MCCC1: variants seen among roughly 807,000 people sequenced by gnomAD.
The protein encoded by MCCC1 is methylcrotonoyl-CoA carboxylase subunit alpha, mitochondrial.
A neutral mutation model predicts 83.8 loss-of-function variants in MCCC1; 64 were observed. The observed-to-expected ratio is 0.76, with a 90% CI of 0.62 to 0.94. MCCC1 has a LOEUF of 0.94. Ranked by LOEUF, MCCC1 falls within the 40% of genes least tolerant of loss-of-function variation. The pLI is 0.00. For missense variants in MCCC1, 807 were observed against 904.7 expected (o/e 0.89, Z 1.39); for synonymous variants, 322 against 315.4 (o/e 1.02, Z -0.22).
intron 7 of MCCC1, among the ~76,000 whole-genome samples, chr3:183,069,398 T>C (rs1006058078): frequency 6.6e-6 from 1 of 152,230 alleles, no homozygotes; most frequent in African/African-American, 2.4e-5. Flanking sequence ...GTCTCCACAA[T>C]TCTAACTTAA....
At chr3:183,076,131 T>C (rs1197903193) in intron 4 of MCCC1, among the ~76,000 whole-genome samples, 4 of 152,222 alleles carry the variant, frequency 2.6e-5, no homozygotes, top group African/African-American at 9.7e-5. Flanking sequence ...GCAACTACAA[T>C]TGGATCACTA....
intron 1 of MCCC1, among the ~76,000 whole-genome samples, chr3:183,108,592 G>A (rs1719443214): frequency 6.6e-6 from 1 of 152,160 alleles, no homozygotes; most frequent in African/African-American, 2.4e-5. Flanking sequence ...ACAAGAAACA[G>A]ACATGACTTT....
chr3:183,085,010 G>A (rs1254932651), intron 4 of MCCC1, among the ~76,000 whole-genome samples: 1 of 152,126 alleles, frequency 6.6e-6, no homozygotes, highest in Non-Finnish European at 1.5e-5. Flanking sequence ...AAGCACAAAG[G>A]AATTATGGAG....
At chr3:183,111,989 T>A (rs942161853) in intron 1 of MCCC1, among the ~76,000 whole-genome samples, 27 of 147,076 alleles carry the variant, frequency 1.8e-4, no homozygotes, top group Admixed American at 1.0e-3. Flanking sequence ...TTCCTAAATT[T>A]AAAAAAAAAA....
intron 7 of MCCC1, among the ~76,000 whole-genome samples, chr3:183,070,021 A>G (rs1288383196): frequency 6.6e-6 from 1 of 152,236 alleles, no homozygotes; most frequent in Non-Finnish European, 1.5e-5. Flanking sequence ...TCTGTTGCTT[A>G]GTGTCCTCAC....
intron 9 of MCCC1, among the ~76,000 whole-genome samples, chr3:183,047,121 C>T (rs1714615143): frequency 1.3e-5 from 2 of 152,190 alleles, no homozygotes; most frequent in Non-Finnish European, 2.9e-5. Context: ...CCAAAACATT[C>T]AAGGTTTACC....
chr3:183,091,076 C>G lies in MCCC1; in HGVS notation c.273+1333G>C. ...GGGAGAATTGGAGGTTGGAATGAAG[C>G]GAAACAAGTTTGAAATACTCATTGC... is the stretch of plus-strand genomic sequence containing the variant. On this transcript the variant is annotated intron_variant, in intron 3 of 18. Transcript: ENST00000265594. 3 of 455,766 alleles carry G rather than the reference C, an allele frequency of 6.6e-6. 1 individual carries two copies. In the Middle Eastern group the frequency reaches 9.8e-4, roughly 148 times the overall value. The allele number at this position is 455,766 out of a possible 1,614,324, so 28.2% of individuals were successfully genotyped here.
At chr3:183,021,405 TG>T (rs1420027730) in intron 16 of MCCC1, among the ~76,000 whole-genome samples, 1 of 152,134 alleles carries the variant, frequency 6.6e-6, no homozygotes, top group Non-Finnish European at 1.5e-5. Context: ...TAAAATTTTT[TG>T]TAGAGATGGG....
At chr3:183,021,668 A>G (rs548109426) in intron 16 of MCCC1, among the ~76,000 whole-genome samples, 1 of 152,140 alleles carries the variant, frequency 6.6e-6, no homozygotes, top group Non-Finnish European at 1.5e-5. Context: ...TGAGTTTTTC[A>G]CCATTCCATT....
chr3:183,107,708 A>C (rs1719429803), intron 1 of MCCC1, among the ~76,000 whole-genome samples: 2 of 150,500 alleles, frequency 1.3e-5, no homozygotes, highest in South Asian at 2.1e-4. Flanking sequence ...ACGCCTGGCT[A>C]GTTTTCTTTT....
chr3:183,103,657 C>T (rs767851304), upstream of MCCC1, among the ~76,000 whole-genome samples: 3 of 152,236 alleles, frequency 2.0e-5, no homozygotes, highest in African/African-American at 7.2e-5. Flanking sequence ...CACGTCCCCA[C>T]CAGACTCAGG....
chr3:183,035,455 A>G (rs1713491243), intron 13 of MCCC1, among the ~76,000 whole-genome samples: 1 of 152,106 alleles, frequency 6.6e-6, no homozygotes, highest in South Asian at 2.1e-4. Context: ...ATACGGGTTC[A>G]GTATCACTTA....
chr3:183,102,660 C>G (rs535526436), upstream of MCCC1, among the ~76,000 whole-genome samples: 79 of 150,080 alleles, frequency 5.3e-4, no homozygotes, highest in South Asian at 0.015. Context: ...CTTCTTACAC[C>G]TAACACCAAA....
At chr3:183,082,784 C>T (rs958515110) in intron 4 of MCCC1, among the ~76,000 whole-genome samples, 1 of 152,102 alleles carries the variant, frequency 6.6e-6, no homozygotes, top group Non-Finnish European at 1.5e-5. Context: ...TTGAGACCAG[C>T]CTGGGAAACA....
chr3:183,064,132 T>C lies in MCCC1; in HGVS notation c.762-6710A>G, dbSNP rs1387424749. Among the ~76,000 whole-genome samples, 1 of 152,120 alleles carries C rather than the reference T, an allele frequency of 6.6e-6. No individual in the cohort carries two copies. The highest frequency in any genetic ancestry group is 1.5e-5 in the Non-Finnish European group (1 of 68,018). ...ACTATGGATGTTAACTGCTATTCTG[T>C]TTGAATTAATCTGCCTTGCACTCTT... On this transcript the variant is annotated intron_variant, in intron 7 of 18. Transcript: ENST00000265594. The surrounding 1 kb of genome is among the most constrained non-coding windows in gnomAD (Gnocchi z 4.5).
intron 8 of MCCC1, among the ~76,000 whole-genome samples, chr3:183,054,255 G>C (rs1323341953): frequency 6.7e-6 from 1 of 148,964 alleles, no homozygotes; most frequent in East Asian, 2.0e-4. Flanking sequence ...GCGCGATCTC[G>C]GCTCACTGCA....
At chr3:183,108,848 A>C (rs988682672) in intron 1 of MCCC1, among the ~76,000 whole-genome samples, 1 of 152,218 alleles carries the variant, frequency 6.6e-6, no homozygotes, top group Non-Finnish European at 1.5e-5. Flanking sequence ...CAATAGGTAT[A>C]TCTGGGATAA....
At chr3:183,106,267 C>T (rs1206740954) in intron 1 of MCCC1, among the ~76,000 whole-genome samples, 1 of 152,086 alleles carries the variant, frequency 6.6e-6, no homozygotes, top group African/African-American at 2.4e-5. Context: ...TAATACTCCT[C>T]ATGTTTTCCT....
chr3:183,070,786 G>A (rs1327194915), intron 7 of MCCC1, among the ~76,000 whole-genome samples: 1 of 151,986 alleles, frequency 6.6e-6, no homozygotes, highest in Non-Finnish European at 1.5e-5. Context: ...TTTGTTTGCT[G>A]TATGTATATG....
Sources: allele counts gnomAD v4.1 joint callset (sites outside exome capture counted in the v4.1 genomes callset), GRCh38; gene constraint gnomAD v4.1.1; non-coding constraint Gnocchi (gnomAD v3.1); transcripts MANE v1.5; gene names NCBI Gene and HGNC (gene_info 2026-07-23, HGNC 2026-07-21).